CKMT2: variants seen among roughly 807,000 people sequenced by gnomAD.
The protein encoded by CKMT2 is creatine kinase S-type, mitochondrial.
In CKMT2, 43 loss-of-function variants were observed where a neutral mutation model predicts 48.9. The ratio of observed to expected loss-of-function variants is 0.88; its 90% confidence interval spans 0.69 to 1.13. The LOEUF (loss-of-function observed/expected upper bound fraction) is 1.13, where lower values mean the gene tolerates loss of function less well. Ranked by LOEUF, CKMT2 falls within the 50% of genes most tolerant of loss-of-function variation. CKMT2 has a pLI of 0.00. For missense variants in CKMT2, 472 were observed against 555.4 expected (o/e 0.85, Z 1.51); for synonymous variants, 206 against 213.0 (o/e 0.97, Z 0.29).
chr5:81,241,571 C>T (rs1267461757), intron 1 of CKMT2, among the ~76,000 whole-genome samples: 1 of 152,148 alleles, frequency 6.6e-6, no homozygotes, highest in East Asian at 1.9e-4. Context: ...TACCTGCTGT[C>T]CTAGAAACTT....
intron 5 of CKMT2, among the ~76,000 whole-genome samples, chr5:81,256,186 C>T (rs1359928164): frequency 3.3e-5 from 5 of 151,892 alleles, no homozygotes; most frequent in African/African-American, 1.2e-4. Flanking sequence ...AAAAAAAAGT[C>T]TTGACTTTAA....
chr5:81,256,803 G>A, intron 5 of CKMT2, 112 bp from the exon 6 acceptor site: 1 of 706,820 alleles, frequency 1.4e-6, no homozygotes, highest in Non-Finnish European at 2.4e-6. Flanking sequence ...AAGAACCACT[G>A]CCTAAGAGAC....
At chr5:81,252,359 T>A (rs1481023090) in intron 2 of CKMT2, 9 of 290,888 alleles carry the variant, frequency 3.1e-5, no homozygotes, top group Non-Finnish European at 5.3e-5. Flanking sequence ...TGTTTGAGGC[T>A]GTGGTGGTCC....
At chr5:81,262,585 A>G (rs1226153545) in intron 8 of CKMT2, among the ~76,000 whole-genome samples, 1 of 152,230 alleles carries the variant, frequency 6.6e-6, no homozygotes, top group African/African-American at 2.4e-5. Context: ...ATAAAAGCTC[A>G]TCATCACTGG....
intron 2 of CKMT2, 132 bp downstream of exon 2, chr5:81,251,416 T>C (rs1756810227): frequency 1.1e-6 from 1 of 902,176 alleles, no homozygotes; most frequent in African/African-American, 1.7e-5. Context: ...TGAAACCCCA[T>C]CTCTACTAAA....
chr5:81,238,473 T>C (rs753322934), intron 1 of CKMT2: 3 of 152,244 alleles, frequency 2.0e-5, no homozygotes, highest in Admixed American at 1.3e-4. Flanking sequence ...CGTCACGAAC[T>C]GCTAACAGCC....
At chr5:81,239,627 G>A (rs1756367924) in intron 1 of CKMT2, among the ~76,000 whole-genome samples, 1 of 152,158 alleles carries the variant, frequency 6.6e-6, no homozygotes, top group Admixed American at 6.5e-5. Context: ...GTGGAGGCAT[G>A]CAATACAGTA....
Position 81,254,433 on chromosome 5 carries a change from GAC to G in CKMT2, c.393_394del (p.His131GlnfsTer4), listed in dbSNP as rs1561283438. 1 of 1,614,154 alleles carries G rather than the reference GAC, an allele frequency of 6.2e-7. No homozygotes were observed. Among genetic ancestry groups the G allele is most frequent in the Non-Finnish European group, 8.5e-7 (1 of 1,180,016 alleles). On this transcript the variant is annotated frameshift_variant, in exon 4 of 10. Transcript: ENST00000254035. LOFTEE classifies it high-confidence loss of function. ...CTTTTTGACCCCGTCATCAAACTAA[GAC>G]ACAACGGCTATGACCCCAGGGTGAT... is the stretch of plus-strand genomic sequence containing the variant.
intron 8 of CKMT2, among the ~76,000 whole-genome samples, chr5:81,261,832 A>G (rs962113284): frequency 6.6e-6 from 1 of 152,206 alleles, no homozygotes; most frequent in South Asian, 2.1e-4. Flanking sequence ...ACAGAATTAG[A>G]AAAAACTACT....
chr5:81,259,555 T>C (rs1463905051), intron 8 of CKMT2, among the ~76,000 whole-genome samples: 1 of 152,044 alleles, frequency 6.6e-6, no homozygotes, highest in African/African-American at 2.4e-5. Context: ...TTTCTCCATC[T>C]CTCCTAGTTC....
At chr5:81,252,660 C>T (rs1263796060) in intron 2 of CKMT2, 35 bp from the exon 3 acceptor site, 1 of 1,607,244 alleles carries the variant, frequency 6.2e-7, no homozygotes, top group Non-Finnish European at 8.5e-7. Context: ...TCCTCGGGGG[C>T]TGCTGGCTGA....
intron 2 of CKMT2, chr5:81,251,800 G>T (rs1219470623): frequency 6.5e-6 from 1 of 153,734 alleles, no homozygotes. Context: ...AGAGCTTGCA[G>T]TCCAGTTGCA....
chr5:81,262,924 C>A (rs1757272312), intron 8 of CKMT2, among the ~76,000 whole-genome samples: 1 of 152,118 alleles, frequency 6.6e-6, no homozygotes, highest in South Asian at 2.1e-4. Context: ...TGGAACCAAC[C>A]CAAATGCCCA....
chr5:81,259,150 G>A lies in CKMT2; in HGVS notation c.910G>A (p.Glu304Lys), dbSNP rs1757119042. 6.2e-7 allele frequency: 1 copy of A among 1,613,760 alleles called. No individual in the cohort carries two copies. The highest frequency in any genetic ancestry group is 1.1e-5 in the South Asian group (1 of 90,988). ...ACGGTTAATCCAAGAACGAGGCTGG[G>A]AGTTCATGTGGAATGAGCGCCTAGG... is the stretch of plus-strand genomic sequence containing the variant. ...VERLIQERGW[E>K]FMWNERLGYI... Residue 304 changes from glutamate (E) to lysine (K), a missense_variant, in exon 8 of 10, where the codon GAG becomes AAG. Physicochemically the swap from Glu to Lys is moderately conservative, Grantham distance 56 (BLOSUM62 1). Coordinates refer to ENST00000254035, the MANE Select transcript of CKMT2 (RefSeq NM_001099735.2).
intron 1 of CKMT2, among the ~76,000 whole-genome samples, chr5:81,248,865 A>G (rs1016486779): frequency 2.0e-5 from 3 of 152,148 alleles, no homozygotes; most frequent in African/African-American, 7.2e-5. Flanking sequence ...TGGGACATTC[A>G]GGTTTAGTAG....
chr5:81,255,802 A>T (rs1033626456), intron 5 of CKMT2, among the ~76,000 whole-genome samples: 3 of 150,834 alleles, frequency 2.0e-5, no homozygotes, highest in African/African-American at 7.4e-5. Context: ...CATTTTCAAA[A>T]GTAACAACTT....
intron 1 of CKMT2, among the ~76,000 whole-genome samples, chr5:81,235,078 C>G (rs1009076044): frequency 1.3e-5 from 2 of 152,116 alleles, no homozygotes; most frequent in Admixed American, 1.3e-4. Flanking sequence ...CTAGATGGCT[C>G]CTAGCTTCCT....
intron 7 of CKMT2, among the ~76,000 whole-genome samples, 174 bp from the exon 8 acceptor site, chr5:81,258,946 T>C (rs1383552585): frequency 6.6e-6 from 1 of 152,130 alleles, no homozygotes; most frequent in Non-Finnish European, 1.5e-5. Context: ...AATTGGGCCA[T>C]TTTAATAGTC....
At chr5:81,239,793 C>T (rs1452756456) in intron 1 of CKMT2, among the ~76,000 whole-genome samples, 6 of 152,100 alleles carry the variant, frequency 3.9e-5, no homozygotes, top group Admixed American at 1.3e-4. Context: ...AGCAGAGGGC[C>T]GTGGTTAAGA....
Sources: gnomAD v4.1 joint callset for allele counts (sites outside exome capture counted in the v4.1 genomes callset) on GRCh38, gnomAD v4.1.1 for gene constraint, MANE v1.5 for transcripts, NCBI Gene and HGNC (gene_info 2026-07-23, HGNC 2026-07-21) for gene names.